Variants in LRBA observed in about 807,000 individuals in gnomAD.
The protein encoded by LRBA is lipopolysaccharide-responsive and beige-like anchor protein.
Under a neutral mutation model 330.0 loss-of-function variants are expected in LRBA, and 176 were observed. That is an observed-to-expected ratio of 0.53 (90% CI 0.47 to 0.60). The LOEUF (loss-of-function observed/expected upper bound fraction) is 0.60. Ranked by LOEUF, LRBA falls within the 20% of genes least tolerant of loss-of-function variation. The probability of loss-of-function intolerance (pLI) is 0.00; values close to 1 mark genes in which losing one functional copy is unlikely to be tolerated. For missense variants in LRBA, 3,259 were observed against 3,444.8 expected, an observed-to-expected ratio of 0.95 and a Z score of 1.35; for synonymous variants, 1,230 against 1,193.0, an observed-to-expected ratio of 1.03 and a Z score of -0.64.
chr4:150,799,453 C>T (rs1741271331), intron 33 of LRBA, among the ~76,000 whole-genome samples: 1 of 152,128 alleles, frequency 6.6e-6, no homozygotes, highest in South Asian at 2.1e-4. Context: ...GCCATTTTTC[C>T]TTAAATTTAA....
chr4:151,000,411 T>TA (rs1214184850), intron 2 of LRBA, among the ~76,000 whole-genome samples: 7 of 152,040 alleles, frequency 4.6e-5, no homozygotes, highest in South Asian at 2.1e-4. Context: ...CCTATTCACT[T>TA]AAAAAAAGTG....
At chr4:150,612,423 T>C (rs968828348) in intron 37 of LRBA, among the ~76,000 whole-genome samples, 1 of 152,214 alleles carries the variant, frequency 6.6e-6, no homozygotes, top group Admixed American at 6.5e-5. Context: ...GCAAAAGGTA[T>C]GTGCTTTTTA....
At position 150,350,100 on chromosome 4, in the gene LRBA, G is replaced by A. The variant is rs776750092; in HGVS notation, c.7254C>T (p.Gly2418=). The part of the protein sequence containing the change: ...QLHQWIDLIF[G]YKQQGPEAVR... The stretch of plus-strand genomic sequence containing the variant: ...CAGCTTCTGGTCCTTGCTGTTTATA[G>A]CCAAAAATGAGATCAATCCATTGGT... Residue 2418 remains glycine, a synonymous_variant, in exon 48 of 57, where the codon GGC becomes GGT. Coordinates refer to ENST00000651943, the MANE Select transcript of LRBA (RefSeq NM_001364905.1). 4.4e-6 allele frequency: 7 copies of A among 1,605,554 alleles called. No homozygotes were observed. The highest frequency in any genetic ancestry group is 5.9e-6 in the Non-Finnish European group (7 of 1,177,132).
chr4:150,719,052 T>C (rs942679045), intron 36 of LRBA, among the ~76,000 whole-genome samples: 74 of 152,232 alleles, frequency 4.9e-4, no homozygotes, highest in African/African-American at 1.8e-3. Context: ...ATACCTCTAA[T>C]AGCTACTGAA....
chr4:150,556,088 C>A (rs1389815006), intron 40 of LRBA, among the ~76,000 whole-genome samples: 1 of 151,824 alleles, frequency 6.6e-6, no homozygotes, highest in African/African-American at 2.4e-5. Context: ...CAGGTATGAG[C>A]CACTGTGCTC....
intron 2 of LRBA, among the ~76,000 whole-genome samples, chr4:150,958,762 C>T (rs1309075365): frequency 2.7e-5 from 4 of 148,838 alleles, no homozygotes; most frequent in Non-Finnish European, 2.9e-5. Context: ...GGTAAACTGC[C>T]GCAAGTCTCT....
At chr4:150,559,848 TAATATATAATTATATATAATATA>T (rs1767991878) in intron 40 of LRBA, among the ~76,000 whole-genome samples, 1 of 28,414 alleles carries the variant, frequency 3.5e-5, no homozygotes, top group Non-Finnish European at 7.4e-5. Context: ...ATATATATAA[TAATATATAATTATATATAATATA>T]TAATTATATA....
At chr4:150,778,824 T>C (rs1737777783) in intron 34 of LRBA, among the ~76,000 whole-genome samples, 1 of 152,186 alleles carries the variant, frequency 6.6e-6, no homozygotes, top group Admixed American at 6.5e-5. Context: ...TTGCTGCCCT[T>C]TGAGGTCTGA....
chr4:150,629,494 C>T lies in LRBA; in HGVS notation c.5922-30363G>A, dbSNP rs555267173. Among the ~76,000 whole-genome samples the T allele has an allele frequency of 6.0e-5, 9 of 150,828 alleles. No homozygotes were observed. In the East Asian group the frequency reaches 1.6e-3, roughly 27 times the overall value. On this transcript the variant is annotated intron_variant, in intron 37 of 56. Coordinates refer to ENST00000651943, the MANE Select transcript of LRBA (RefSeq NM_001364905.1). Reference sequence around the variant, plus strand: ...CCTCTACTAAAAATACAAAAATTAGCAGGGCATGGTGGCACATGCCTGTAG... The same window carrying T: ...CCTCTACTAAAAATACAAAAATTAGTAGGGCATGGTGGCACATGCCTGTAG...
intron 40 of LRBA, among the ~76,000 whole-genome samples, chr4:150,531,816 T>C (rs1024178710): frequency 1.3e-5 from 2 of 152,218 alleles, no homozygotes; most frequent in African/African-American, 2.4e-5. Context: ...GTCCAAACAG[T>C]TGGATTCTCC....
chr4:150,292,782 A>G (rs1365880880), intron 53 of LRBA, among the ~76,000 whole-genome samples: 2 of 152,166 alleles, frequency 1.3e-5, no homozygotes, highest in Non-Finnish European at 2.9e-5. Flanking sequence ...TGTACTATAA[A>G]CCTGCAAATT....
intron 36 of LRBA, among the ~76,000 whole-genome samples, chr4:150,733,694 T>C (rs1452202730): frequency 6.6e-6 from 1 of 152,084 alleles, no homozygotes; most frequent in Non-Finnish European, 1.5e-5. Context: ...CCAAAGAGCA[T>C]GTGTACTTTT....
chr4:150,676,423 T>C (rs549960059), intron 37 of LRBA, among the ~76,000 whole-genome samples: 1 of 152,336 alleles, frequency 6.6e-6, no homozygotes, highest in Non-Finnish European at 1.5e-5. Context: ...TATTGATTTC[T>C]ACAGTGCCAA....
intron 37 of LRBA, among the ~76,000 whole-genome samples, chr4:150,637,206 T>C (rs1242241814): frequency 6.6e-6 from 1 of 152,198 alleles, no homozygotes; most frequent in Non-Finnish European, 1.5e-5. Context: ...TTCCACATCG[T>C]GTTACAGTGG....
chr4:150,407,025 G>A (rs748258053), intron 47 of LRBA, among the ~76,000 whole-genome samples: 2 of 152,120 alleles, frequency 1.3e-5, no homozygotes, highest in Non-Finnish European at 2.9e-5. Context: ...CAGGTGATCC[G>A]CCCTGCCTTA....
At chr4:150,806,010 T>C (rs1382265003) in intron 33 of LRBA, among the ~76,000 whole-genome samples, 1 of 103,330 alleles carries the variant, frequency 9.7e-6, no homozygotes, top group East Asian at 2.4e-4. Context: ...CAAAATTAAT[T>C]TTAATGTATC....
intron 34 of LRBA, among the ~76,000 whole-genome samples, chr4:150,767,064 CTG>C (rs1240439302): frequency 6.6e-6 from 1 of 152,064 alleles, no homozygotes; most frequent in African/African-American, 2.4e-5. Flanking sequence ...AATTTCAAGA[CTG>C]TATTCTTGGT....
chr4:150,914,948 T>C (rs1579189486), intron 8 of LRBA, among the ~76,000 whole-genome samples: 1 of 152,104 alleles, frequency 6.6e-6, no homozygotes, highest in Non-Finnish European at 1.5e-5. Context: ...TAAGGCCTAA[T>C]AGATTAGGTA....
intron 34 of LRBA, among the ~76,000 whole-genome samples, chr4:150,796,090 A>G (rs1398892903): frequency 6.6e-6 from 1 of 151,950 alleles, no homozygotes; most frequent in Non-Finnish European, 1.5e-5. Flanking sequence ...TTAAAAAATT[A>G]ATTAAAATTT....
Sources: allele counts gnomAD v4.1 joint callset (sites outside exome capture counted in the v4.1 genomes callset), GRCh38; gene constraint gnomAD v4.1.1; transcripts MANE v1.5; gene names NCBI Gene and HGNC (gene_info 2026-07-23, HGNC 2026-07-21).